The following DAPK2 variants were observed in gnomAD, a reference collection of about 807,000 sequenced individuals.
DAPK2 encodes the protein death associated protein kinase 2.
In DAPK2, 35 loss-of-function variants were observed where a neutral mutation model predicts 44.1. The observed-to-expected ratio is 0.79, with a 90% CI of 0.61 to 1.05. DAPK2 has a LOEUF of 1.05. Ranked by LOEUF, DAPK2 falls within the 50% of genes least tolerant of loss-of-function variation. The probability of loss-of-function intolerance (pLI) is 0.00; values close to 1 mark genes in which losing one functional copy is unlikely to be tolerated. For missense variants in DAPK2, 453 were observed against 483.2 expected (o/e 0.94, Z 0.59); for synonymous variants, 174 against 182.6 (o/e 0.95, Z 0.38).
chr15:63,928,113 T>G, intron 6 of DAPK2, among the ~76,000 whole-genome samples: 1 of 152,242 alleles, frequency 6.6e-6, no homozygotes, highest in East Asian at 1.9e-4. Flanking sequence ...GATCTGAAAC[T>G]ATAGATCCAT....
intron 3 of DAPK2, among the ~76,000 whole-genome samples, chr15:63,945,796 T>C (rs1041997817): frequency 2.0e-5 from 3 of 152,198 alleles, no homozygotes; most frequent in Admixed American, 6.5e-5. Flanking sequence ...AGTTTCGAGA[T>C]GGCACAACCT....
At chr15:64,021,108 C>T (rs1289912215) in intron 1 of DAPK2, among the ~76,000 whole-genome samples, 1 of 152,192 alleles carries the variant, frequency 6.6e-6, no homozygotes, top group Non-Finnish European at 1.5e-5. Flanking sequence ...AATTTCCCTT[C>T]ATCTTTCCCC....
intron 1 of DAPK2, among the ~76,000 whole-genome samples, chr15:64,022,126 T>G (rs1170258088): frequency 2.6e-5 from 4 of 152,148 alleles, no homozygotes; most frequent in African/African-American, 7.2e-5. Context: ...ACCACAGGCA[T>G]AGAGTACAAT....
intron 1 of DAPK2, among the ~76,000 whole-genome samples, chr15:64,039,089 T>C (rs1330498542): frequency 1.3e-5 from 2 of 152,276 alleles, no homozygotes; most frequent in Non-Finnish European, 2.9e-5. Flanking sequence ...ATTTGATTGA[T>C]GTCTCCAGTC....
At chr15:64,012,992 A>T (rs1388939689) in intron 1 of DAPK2, among the ~76,000 whole-genome samples, 3 of 152,350 alleles carry the variant, frequency 2.0e-5, no homozygotes, top group Non-Finnish European at 4.4e-5. Flanking sequence ...TATAAATTGT[A>T]TCTTCGATAT....
intron 1 of DAPK2, among the ~76,000 whole-genome samples, chr15:64,006,669 T>C (rs1304074407): frequency 6.6e-6 from 1 of 152,136 alleles, no homozygotes; most frequent in East Asian, 1.9e-4. Flanking sequence ...AACTGAGGCC[T>C]AGCAAAGGAA....
At chr15:63,956,126 G>A (rs1054637098) in intron 3 of DAPK2, among the ~76,000 whole-genome samples, 3 of 152,058 alleles carry the variant, frequency 2.0e-5, no homozygotes, top group East Asian at 1.9e-4. Flanking sequence ...TTGAGTTTCC[G>A]CAGTATCAGT....
In DAPK2 at chr15:63,912,225, T is replaced by C; in HGVS notation, c.859-28A>G. 1 of 1,610,804 alleles carries C rather than the reference T, an allele frequency of 6.2e-7. No individual in the cohort carries two copies. Reference sequence around the variant, plus strand: ...GAGAGACAAAGCAGAGCATGGCAGCTGATGCTGGGCTTCAGACAGCAGCCA... The same window carrying C: ...GAGAGACAAAGCAGAGCATGGCAGCCGATGCTGGGCTTCAGACAGCAGCCA... On this transcript the variant is annotated intron_variant, in intron 8 of 10. Transcript: ENST00000261891. This position sits in a 1 kb window ranked among gnomAD's most constrained non-coding sequence, Gnocchi z 4.4.
At chr15:63,974,268 T>C (rs1253949529) in intron 2 of DAPK2, among the ~76,000 whole-genome samples, 1 of 152,256 alleles carries the variant, frequency 6.6e-6, no homozygotes, top group East Asian at 1.9e-4. Flanking sequence ...AAGATGTTTA[T>C]TCTGAGCCAA....
chr15:64,018,533 G>A (rs2079597089), intron 1 of DAPK2, among the ~76,000 whole-genome samples: 1 of 152,138 alleles, frequency 6.6e-6, no homozygotes, highest in Admixed American at 6.5e-5. Flanking sequence ...CATCACATAG[G>A]CAGCCAGCAG....
chr15:63,982,889 C>T (rs2078562601), intron 2 of DAPK2, among the ~76,000 whole-genome samples: 1 of 152,218 alleles, frequency 6.6e-6, no homozygotes, highest in Admixed American at 6.5e-5. Context: ...TTGGCTTGCA[C>T]AATGAATACA....
chr15:63,926,062 T>C (rs865951599), exon 7 of DAPK2: 1 of 1,613,022 alleles, frequency 6.2e-7, no homozygotes. Context: ...TCCTGCTTCG[T>C]GTCTCCCAGG....
chr15:63,974,726 T>C (rs1286705750), intron 2 of DAPK2, among the ~76,000 whole-genome samples: 1 of 152,126 alleles, frequency 6.6e-6, no homozygotes, highest in African/African-American at 2.4e-5. Context: ...GAACAGAGAT[T>C]CTCCACAGAA....
chr15:64,017,034 T>C (rs1183327150), intron 1 of DAPK2, among the ~76,000 whole-genome samples: 2 of 152,180 alleles, frequency 1.3e-5, no homozygotes, highest in South Asian at 2.1e-4. Flanking sequence ...CTTGTTCTCA[T>C]TGCTGTTGTG....
chr15:64,041,865 C>T (rs1174533330), upstream of DAPK2, among the ~76,000 whole-genome samples: 2 of 152,202 alleles, frequency 1.3e-5, no homozygotes, highest in Non-Finnish European at 2.9e-5. Flanking sequence ...TCCACCAAGG[C>T]ACACAGAGCC....
chr15:64,046,259 C>T lies in DAPK2; in HGVS notation c.-7+39G>A, dbSNP rs1347159764. On this transcript the variant is annotated intron_variant, in intron 1 of 11. Transcript: ENST00000457488. The surrounding 1 kb of genome is among the most constrained non-coding windows in gnomAD (Gnocchi z 5.3). The stretch of plus-strand genomic sequence containing the variant: ...CGCTGCTGCCGTCAGGCCGCGCGCC[C>T]CGTCCCGCCCATCGAGCCCGCAGAC... 2.1e-6 allele frequency: 2 copies of T among 932,918 alleles called. No individual in the cohort carries two copies. The highest frequency in any genetic ancestry group is 4.9e-5 in the South Asian group (1 of 20,248). The allele number at this position is 932,918 out of a possible 1,614,324, so 57.8% of individuals were successfully genotyped here. A position where few individuals can be genotyped will look rare whatever the true frequency, so the allele number is the denominator to read the frequency against.
chr15:63,959,312 T>C (rs2077819020), intron 3 of DAPK2, among the ~76,000 whole-genome samples: 1 of 152,226 alleles, frequency 6.6e-6, no homozygotes, highest in Non-Finnish European at 1.5e-5. Context: ...AGGGACAATT[T>C]GACTTCCTCT....
intron 1 of DAPK2, among the ~76,000 whole-genome samples, chr15:64,009,555 T>C (rs1335047977): frequency 6.6e-6 from 1 of 152,092 alleles, no homozygotes; most frequent in African/African-American, 2.4e-5. Context: ...TCTGGGTTTC[T>C]GCTAGCCCTA....
At chr15:63,933,726 G>A (rs2077045644) in intron 4 of DAPK2, among the ~76,000 whole-genome samples, 1 of 151,004 alleles carries the variant, frequency 6.6e-6, no homozygotes, top group African/African-American at 2.4e-5. Context: ...AGCCTCCCAA[G>A]TAGCTGGGAC....
Sources: allele counts gnomAD v4.1 joint callset (sites outside exome capture counted in the v4.1 genomes callset), GRCh38; gene constraint gnomAD v4.1.1; non-coding constraint Gnocchi (gnomAD v3.1); transcripts MANE v1.5; gene names NCBI Gene and HGNC (gene_info 2026-07-23, HGNC 2026-07-21).